The following PCNX1 variants were observed in gnomAD, a reference collection of about 807,000 sequenced individuals.
PCNX1 encodes the protein pecanex 1, also known as pecanex-like protein 1.
Under a neutral mutation model 242.2 loss-of-function variants are expected in PCNX1, and 78 were observed. The observed-to-expected ratio is 0.32, with a 90% CI of 0.27 to 0.39. The LOEUF (loss-of-function observed/expected upper bound fraction) is 0.39, where lower values mean the gene tolerates loss of function less well. Among genes scored for constraint, PCNX1 ranks in the 10% least tolerant of loss-of-function variants. The pLI is 1.00. For missense variants in PCNX1, 2,581 were observed against 2,856.5 expected, an observed-to-expected ratio of 0.90 and a Z score of 2.20; for synonymous variants, 1,024 against 1,032.9, an observed-to-expected ratio of 0.99 and a Z score of 0.17.
intron 1 of PCNX1, among the ~76,000 whole-genome samples, chr14:70,926,541 G>T (rs2056598301): frequency 6.6e-6 from 1 of 152,132 alleles, no homozygotes; most frequent in Non-Finnish European, 1.5e-5. Context: ...AACCTAACTT[G>T]AAACAGCAGT....
rs762383436 is a variant in PCNX1 at position 71,073,605 on chromosome 14, G to C, written c.4913G>C (p.Gly1638Ala). The C allele has an allele frequency of 1.1e-5, 18 of 1,613,842 alleles. No individual in the cohort carries two copies. Among genetic ancestry groups the C allele is most frequent in the Non-Finnish European group, 1.0e-5 (12 of 1,179,896 alleles). ...AITEGVEEDE[G>A]FCCCEPGHIP... ...ACTGAAGGTGTAGAGGAAGATGAAG[G>C]ATTTTGCTGTTGTGAACCTGGCCAT... Residue 1638 changes from glycine (G) to alanine (A), a missense_variant, in exon 27 of 36, where the codon GGA becomes GCA. Gly to Ala is a moderately conservative substitution (Grantham distance 60, BLOSUM62 0). This residue lies in a region of PCNX1 where 298 missense variants were observed against 480.1 expected (regional missense o/e 0.62). Transcript: ENST00000304743.
At position 70,931,457 on chromosome 14, in the gene PCNX1, T is replaced by C. The variant is rs567903524; in HGVS notation, c.154-15458T>C. Among the ~76,000 whole-genome samples the C allele has an allele frequency of 2.0e-5, 3 of 152,316 alleles. No individual in the cohort carries two copies. The East Asian group carries it at 5.8e-4, about 29-fold the overall frequency. ...TTGTTACAAATGTTTAGTTTTCATC[T>C]CCTGAAAGAGTGTTAAGAAAAGTTA... is the stretch of plus-strand genomic sequence containing the variant. On this transcript the variant is annotated intron_variant, in intron 1 of 35. Coordinates refer to ENST00000304743, the MANE Select transcript of PCNX1 (RefSeq NM_014982.3).
intron 12 of PCNX1, among the ~76,000 whole-genome samples, chr14:71,022,311 A>G (rs2060125880): frequency 6.6e-6 from 1 of 152,142 alleles, no homozygotes; most frequent in Non-Finnish European, 1.5e-5. Flanking sequence ...CACTGCTTTC[A>G]GGTTAATGTG....
At chr14:70,910,045 CTCCTCCTCCTCCTCCT>C (rs2055763641) in intron 1 of PCNX1, among the ~76,000 whole-genome samples, 1 of 100,076 alleles carries the variant, frequency 1.0e-5, no homozygotes, top group Admixed American at 1.0e-4. Flanking sequence ...CCTCCTCCTC[CTCCTCCTCCTCCTCCT>C]CCCCCTCCTC....
At chr14:71,039,150 C>T (rs1283196359) in intron 19 of PCNX1, among the ~76,000 whole-genome samples, 2 of 151,570 alleles carry the variant, frequency 1.3e-5, no homozygotes, top group African/African-American at 4.9e-5. Context: ...TACAGCACAC[C>T]AGCATGGCAC....
chr14:70,965,232 C>T (rs2058341543), intron 3 of PCNX1: 2 of 152,028 alleles, frequency 1.3e-5, no homozygotes, highest in African/African-American at 4.8e-5. Context: ...TGTCACTTTT[C>T]TACCTTCAAA....
intron 26 of PCNX1, among the ~76,000 whole-genome samples, chr14:71,073,216 G>A (rs1024468047): frequency 6.6e-6 from 1 of 152,116 alleles, no homozygotes; most frequent in African/African-American, 2.4e-5. Flanking sequence ...TACTTGAACC[G>A]GGACCCAGGA....
In PCNX1 at chr14:70,977,869, C is replaced by T; in HGVS notation, c.1532C>T (p.Ala511Val). The change falls in exon 6 of 36, where the codon GCA becomes GTA. Residue 511 changes from alanine (A) to valine (V), a missense_variant. By Grantham distance (64) the Ala-to-Val change is moderately conservative. Coordinates refer to ENST00000304743, the MANE Select transcript of PCNX1 (RefSeq NM_014982.3). ...SQGDRPPGNT[A>V]ENKEEKSDKS... is the part of the protein sequence containing the mutation. Reference sequence around the variant, plus strand: ...GGGGACAGACCACCTGGGAACACTGCAGAAAACAAAGAAGAGAAGAGTGAT... The same window carrying T: ...GGGGACAGACCACCTGGGAACACTGTAGAAAACAAAGAAGAGAAGAGTGAT... 3 of 1,614,020 alleles carry T rather than the reference C, an allele frequency of 1.9e-6. No homozygotes were observed. Among genetic ancestry groups the T allele is most frequent in the Non-Finnish European group, 2.5e-6 (3 of 1,179,990 alleles).
At chr14:71,054,963 C>T (rs1250763796) in intron 24 of PCNX1, among the ~76,000 whole-genome samples, 1 of 152,188 alleles carries the variant, frequency 6.6e-6, no homozygotes, top group African/African-American at 2.4e-5. Flanking sequence ...GTCTTACCTA[C>T]CATTGCTTTA....
Position 71,111,001 on chromosome 14 carries a change from A to T in PCNX1, c.*1066A>T, listed in dbSNP as rs2141925064. 1 of 152,580 alleles carries T rather than the reference A, an allele frequency of 6.6e-6. No homozygotes were observed. Among genetic ancestry groups the T allele is most frequent in the Middle Eastern group, 3.4e-3 (1 of 294 alleles). 9.5% of individuals were successfully genotyped at this position (152,580 alleles called of 1,614,324 possible). A position where few individuals can be genotyped will look rare whatever the true frequency, so the allele number is the denominator to read the frequency against. On this transcript the variant is annotated 3_prime_UTR_variant, in exon 36 of 36. Coordinates refer to ENST00000304743, the MANE Select transcript of PCNX1 (RefSeq NM_014982.3). The stretch of plus-strand genomic sequence containing the variant: ...AGTTAGTCAAGTAAAATTTTTTTTC[A>T]AATAAAAGTATCCAAGTGGTGCAGT...
intron 32 of PCNX1, among the ~76,000 whole-genome samples, chr14:71,104,922 C>CAA (rs76844609): frequency 1.4e-5 from 2 of 142,940 alleles, no homozygotes; most frequent in African/African-American, 2.6e-5. Flanking sequence ...GACTCCGTCT[C>CAA]AAAAAAAAAA....
chr14:70,917,492 G>A (rs2056197479), intron 1 of PCNX1, among the ~76,000 whole-genome samples: 1 of 152,118 alleles, frequency 6.6e-6, no homozygotes, highest in African/African-American at 2.4e-5. Context: ...CAGAGCTCTT[G>A]GATAACTAGG....
intron 2 of PCNX1, among the ~76,000 whole-genome samples, chr14:70,959,494 C>T (rs2058124611): frequency 6.7e-6 from 1 of 149,964 alleles, no homozygotes; most frequent in African/African-American, 2.5e-5. Flanking sequence ...GTTTTTTGTT[C>T]TTGCGATAGT....
chr14:71,105,222 T>G lies in PCNX1; in HGVS notation c.6096-13T>G, dbSNP rs773001058. 1.9e-6 allele frequency: 3 copies of G among 1,598,582 alleles called. No homozygotes were observed. On this transcript the variant is annotated splice_polypyrimidine_tract_variant and intron_variant, in intron 32 of 35. Coordinates refer to ENST00000304743, the MANE Select transcript of PCNX1 (RefSeq NM_014982.3). ...CTTGGAATAATGCTTCCTACTCTGG[T>G]ATTTGTTCCTAGGCTTAGGAAAGGT...
chr14:71,049,390 T>C (rs1595372598), intron 22 of PCNX1, among the ~76,000 whole-genome samples: 1 of 152,146 alleles, frequency 6.6e-6, no homozygotes, highest in East Asian at 1.9e-4. Flanking sequence ...TTCAGATACA[T>C]TTTTTACATT....
Position 71,108,867 on chromosome 14 carries a change from G to A in PCNX1, c.6565G>A (p.Gly2189Ser), listed in dbSNP as rs139288213. Residue 2189 changes from glycine to serine, a missense_variant, in exon 34 of 36, where the codon GGC becomes AGC. Transcript: ENST00000304743. The stretch of plus-strand genomic sequence containing the variant: ...GAGCGGCCTGGCCTGTGTGCAGCAC[G>A]GCCTGCCTTCCTCCAGCAGCTCCAG... ...GQSGLACVQH[G>S]LPSSSSSSQS... 6.8e-4 allele frequency: 1,093 copies of A among 1,614,080 alleles called. No homozygotes were observed. The highest frequency in any genetic ancestry group is 8.7e-4 in the Non-Finnish European group (1,027 of 1,180,052).
intron 2 of PCNX1, among the ~76,000 whole-genome samples, chr14:70,953,428 T>G (rs2057866175): frequency 6.6e-6 from 1 of 152,042 alleles, no homozygotes; most frequent in Non-Finnish European, 1.5e-5. Flanking sequence ...TATGTTTTGT[T>G]TCATTTTTCT....
chr14:71,055,882 C>G (rs940160824), intron 25 of PCNX1, among the ~76,000 whole-genome samples: 1 of 152,170 alleles, frequency 6.6e-6, no homozygotes, highest in African/African-American at 2.4e-5. Context: ...GGTCTGCAGT[C>G]AGACTGACAC....
intron 19 of PCNX1, among the ~76,000 whole-genome samples, chr14:71,037,715 A>G (rs1372086520): frequency 1.3e-5 from 2 of 152,042 alleles, no homozygotes; most frequent in Admixed American, 6.6e-5. Context: ...GGATTTTTGA[A>G]AAAACTACTT....
Sources: gnomAD v4.1 joint callset for allele counts (sites outside exome capture counted in the v4.1 genomes callset) on GRCh38, gnomAD v4.1.1 for gene constraint, gnomAD v4.1.1 regional missense constraint, MANE v1.5 for transcripts, NCBI Gene and HGNC (gene_info 2026-07-23, HGNC 2026-07-21) for gene names.